Variants in PSMA1 observed in about 807,000 individuals in gnomAD.
PSMA1 encodes proteasome 20S subunit alpha 1.
Under a neutral mutation model 38.4 loss-of-function variants are expected in PSMA1, and 3 were observed. That is an observed-to-expected ratio of 0.08 (90% CI 0.04 to 0.20). PSMA1 has a LOEUF of 0.20. PSMA1 is among the 10% of genes least tolerant of loss of function. The pLI, the probability that PSMA1 is intolerant of heterozygous loss-of-function variation, is 1.00. For synonymous variants in PSMA1, 101 were observed against 107.1 expected (o/e 0.94, Z 0.35); for missense variants, 227 against 325.3 (o/e 0.70, Z 2.32).
intron 2 of PSMA1, among the ~76,000 whole-genome samples, chr11:14,599,994 A>T (rs560881805): frequency 1.3e-3 from 197 of 152,322 alleles, no homozygotes; most frequent in South Asian, 6.2e-3. Context: ...CCTAACAGTC[A>T]AGTCCCTCAG....
At chr11:14,614,194 T>A (rs893795698) in intron 1 of PSMA1, among the ~76,000 whole-genome samples, 6 of 152,150 alleles carry the variant, frequency 3.9e-5, no homozygotes, top group South Asian at 2.1e-4. Flanking sequence ...TTTGTTTTTT[T>A]AAAAAATACT....
At chr11:14,592,190 A>G (rs1269629894) in intron 2 of PSMA1, among the ~76,000 whole-genome samples, 3 of 152,024 alleles carry the variant, frequency 2.0e-5, no homozygotes, top group Non-Finnish European at 4.4e-5. Context: ...CGCCACCTTA[A>G]CAGCTGTAAC....
chr11:14,555,386 C>A (rs1232196192), intron 2 of PSMA1, among the ~76,000 whole-genome samples: 1 of 152,042 alleles, frequency 6.6e-6, no homozygotes, highest in Non-Finnish European at 1.5e-5. Context: ...CTTATTTCCT[C>A]TTTAAAATTT....
At position 14,513,600 on chromosome 11, in the gene PSMA1, A is replaced by G. The variant is rs1171068142; in HGVS notation, c.514T>C (p.Leu172=). ...GARSQSARTY[L]ERHMSEFMEC... is the part of the protein sequence containing the mutation. ...ATAAATTCAGACATATGTCTCTCCA[A>G]GTAAGTACGAGCTGATTGGGAACGG... The change falls in exon 7 of 10, where the codon TTG becomes CTG. Residue 172 remains leucine, a synonymous_variant. Coordinates refer to ENST00000396394, the MANE Select transcript of PSMA1 (RefSeq NM_002786.4). The G allele has an allele frequency of 4.5e-6, 7 of 1,572,716 alleles. No individual in the cohort carries two copies. The highest frequency in any genetic ancestry group is 1.7e-4 in the Middle Eastern group (1 of 5,880).
At chr11:14,535,294 A>G (rs902555671) in intron 2 of PSMA1, among the ~76,000 whole-genome samples, 1 of 152,074 alleles carries the variant, frequency 6.6e-6, no homozygotes, top group South Asian at 2.1e-4. Flanking sequence ...TGTGTGACTA[A>G]AAGAGAGGCC....
chr11:14,519,305 T>C, intron 1 of PSMA1: 2 of 509,224 alleles, frequency 3.9e-6, no homozygotes, highest in Admixed American at 2.5e-5. Flanking sequence ...CCCTTTAGGC[T>C]CAATTACTAA....
At chr11:14,540,176 C>T (rs772570570) in intron 2 of PSMA1, among the ~76,000 whole-genome samples, 2 of 152,206 alleles carry the variant, frequency 1.3e-5, no homozygotes, top group Non-Finnish European at 2.9e-5. Context: ...AGCTTCCCTA[C>T]TTGCTCTCTG....
intron 2 of PSMA1, among the ~76,000 whole-genome samples, chr11:14,541,396 T>C (rs1419326550): frequency 8.5e-5 from 13 of 152,232 alleles, no homozygotes; most frequent in Admixed American, 8.5e-4. Context: ...ACCCTATTTG[T>C]ACAGAACATA....
intron 1 of PSMA1, among the ~76,000 whole-genome samples, chr11:14,640,327 C>A (rs568227542): frequency 1.3e-5 from 2 of 152,216 alleles, no homozygotes; most frequent in Admixed American, 1.3e-4. Flanking sequence ...ACAGTGGGGG[C>A]ACCCTAGAAG....
upstream of PSMA1, among the ~76,000 whole-genome samples, chr11:14,523,653 C>A (rs1351578858): frequency 6.7e-6 from 1 of 148,314 alleles, no homozygotes; most frequent in Non-Finnish European, 1.5e-5. Flanking sequence ...TGCAATGGCA[C>A]AATCACTTCA....
chr11:14,518,569 A>G (rs1851474467), intron 2 of PSMA1, among the ~76,000 whole-genome samples: 1 of 152,206 alleles, frequency 6.6e-6, no homozygotes, highest in Non-Finnish European at 1.5e-5. Flanking sequence ...CTCATTTAAC[A>G]AAAATCTTGA....
At chr11:14,590,652 G>T (rs1406927945) in intron 2 of PSMA1, among the ~76,000 whole-genome samples, 1 of 152,180 alleles carries the variant, frequency 6.6e-6, no homozygotes, top group African/African-American at 2.4e-5. Flanking sequence ...GGAATGAGTT[G>T]GTTGTTGGTG....
Position 14,573,779 on chromosome 11 carries a change from A to C in PSMA1, c.21+37187T>G, listed in dbSNP as rs949227760. Among the ~76,000 whole-genome samples the C allele has an allele frequency of 3.3e-5, 5 of 152,372 alleles. No individual in the cohort carries two copies. The East Asian group carries it at 5.8e-4, about 18-fold the overall frequency. On this transcript the variant is annotated intron_variant, in intron 2 of 10. Coordinates refer to the PSMA1 transcript ENST00000418988. ...CCAGAAAACCCCATCGTGTCAGCCC[A>C]AAATCTCCTTAAGCTGATAAGCAAC...
At chr11:14,508,963 T>C (rs1851296257) in intron 8 of PSMA1, among the ~76,000 whole-genome samples, 1 of 152,186 alleles carries the variant, frequency 6.6e-6, no homozygotes, top group African/African-American at 2.4e-5. Context: ...TTAGTGTTCT[T>C]GGTCCAGTCC....
chr11:14,526,955 CGA>C (rs1851592787), intron 2 of PSMA1, among the ~76,000 whole-genome samples: 1 of 152,138 alleles, frequency 6.6e-6, no homozygotes, highest in Admixed American at 6.5e-5. Flanking sequence ...TGCCTTAACT[CGA>C]GCCCTCACCT....
chr11:14,626,766 C>T (rs765681953), intron 1 of PSMA1, among the ~76,000 whole-genome samples: 5 of 152,074 alleles, frequency 3.3e-5, no homozygotes, highest in Non-Finnish European at 5.9e-5. Context: ...TTTATGATAG[C>T]GATGATAATT....
intron 2 of PSMA1, among the ~76,000 whole-genome samples, chr11:14,566,673 G>A (rs1852075648): frequency 6.6e-6 from 1 of 152,160 alleles, no homozygotes; most frequent in Non-Finnish European, 1.5e-5. Flanking sequence ...CAGAACTGGA[G>A]AGACACAGGG....
chr11:14,543,371 C>T (rs1851793092), intron 2 of PSMA1, among the ~76,000 whole-genome samples: 1 of 152,106 alleles, frequency 6.6e-6, no homozygotes, highest in South Asian at 2.1e-4. Flanking sequence ...GTGGATTTGG[C>T]AGTGGCTTCT....
intron 2 of PSMA1, among the ~76,000 whole-genome samples, chr11:14,533,081 T>C (rs760573328): frequency 1.1e-4 from 17 of 152,196 alleles, no homozygotes; most frequent in Non-Finnish European, 2.1e-4. Flanking sequence ...CGTGTGTACA[T>C]ATGCATATTG....
Sources: allele counts gnomAD v4.1 joint callset (sites outside exome capture counted in the v4.1 genomes callset), GRCh38; gene constraint gnomAD v4.1.1; transcripts MANE v1.5; gene names NCBI Gene and HGNC (gene_info 2026-07-23, HGNC 2026-07-21).